The following RIMS1 variants were observed in gnomAD, a reference collection of about 807,000 sequenced individuals.
The protein encoded by RIMS1 is regulating synaptic membrane exocytosis 1.
Under a neutral mutation model 214.1 loss-of-function variants are expected in RIMS1, and 83 were observed. The ratio of observed to expected loss-of-function variants is 0.39; its 90% CI spans 0.32 to 0.47. The LOEUF (loss-of-function observed/expected upper bound fraction) is 0.47. RIMS1 is among the 20% of genes least tolerant of loss of function. RIMS1 has a pLI of 0.99. For missense variants in RIMS1, 2,050 were observed against 2,161.8 expected, an observed-to-expected ratio of 0.95 and a Z score of 1.03; for synonymous variants, 793 against 786.8, an observed-to-expected ratio of 1.01 and a Z score of -0.13.
rs1008697974 is a variant in RIMS1 at position 71,886,955 on chromosome 6, C to G, written c.-69C>G. ...CCGCTGTGAGGGGGAAGCAGGGGCGCAGCTGCTGGGCGTGCATCCGAAAGG... is the reference window on the plus strand; with the variant it reads ...CCGCTGTGAGGGGGAAGCAGGGGCGGAGCTGCTGGGCGTGCATCCGAAAGG... On this transcript the variant is annotated 5_prime_UTR_variant, in exon 1 of 34. Coordinates refer to ENST00000521978, the MANE Select transcript of RIMS1 (RefSeq NM_014989.7). The G allele has an allele frequency of 1.3e-6, 2 of 1,545,660 alleles. No homozygotes were observed. Among genetic ancestry groups the G allele is most frequent in the African/African-American group, 2.7e-5 (2 of 73,508 alleles).
chr6:72,288,796 G>C (rs1055066864), intron 24 of RIMS1, among the ~76,000 whole-genome samples: 1 of 152,026 alleles, frequency 6.6e-6, no homozygotes, highest in East Asian at 1.9e-4. Context: ...GGCTTTCTAC[G>C]CTTCTCCTTT....
chr6:72,299,125 G>A (rs2094379622), intron 26 of RIMS1, among the ~76,000 whole-genome samples: 4 of 151,810 alleles, frequency 2.6e-5, no homozygotes, highest in East Asian at 1.9e-4. Flanking sequence ...TGGGGGCATC[G>A]AAATAATGAT....
At chr6:72,348,603 G>GGTA (rs2097345443) in intron 29 of RIMS1, among the ~76,000 whole-genome samples, 1 of 151,814 alleles carries the variant, frequency 6.6e-6, no homozygotes, top group Non-Finnish European at 1.5e-5. Context: ...TAGATTCAGA[G>GGTA]GGTACATTTG....
At chr6:72,391,568 T>C (rs938062156) in intron 30 of RIMS1, among the ~76,000 whole-genome samples, 1 of 152,200 alleles carries the variant, frequency 6.6e-6, no homozygotes, top group Non-Finnish European at 1.5e-5. Context: ...TATACCAATT[T>C]GATATTTCTA....
intron 4 of RIMS1, among the ~76,000 whole-genome samples, chr6:72,109,017 A>G (rs1216849055): frequency 2.6e-5 from 4 of 151,998 alleles, no homozygotes; most frequent in African/African-American, 9.7e-5. Context: ...ATGTCCCTAC[A>G]AAGGACATGA....
intron 28 of RIMS1, among the ~76,000 whole-genome samples, chr6:72,327,685 T>C (rs779379388): frequency 8.6e-5 from 13 of 151,854 alleles, no homozygotes; most frequent in Non-Finnish European, 1.9e-4. Context: ...TGTTATTGTC[T>C]ATTTTTTATT....
intron 5 of RIMS1, 73 bp downstream of exon 5, chr6:72,179,988 A>T (rs1473011173): frequency 9.5e-7 from 1 of 1,047,156 alleles, no homozygotes; most frequent in East Asian, 2.7e-5. Context: ...CAAGAATTTA[A>T]CTTCTATTAC....
At chr6:72,360,323 A>T (rs954955377) in intron 29 of RIMS1, among the ~76,000 whole-genome samples, 1 of 152,238 alleles carries the variant, frequency 6.6e-6, no homozygotes, top group South Asian at 2.1e-4. Context: ...CATAAAATTA[A>T]TCTATTTATC....
chr6:71,944,425 C>T (rs1787147423), intron 1 of RIMS1, among the ~76,000 whole-genome samples: 1 of 152,124 alleles, frequency 6.6e-6, no homozygotes, highest in Non-Finnish European at 1.5e-5. Flanking sequence ...CGGCACTTGT[C>T]GGGGCATAAC....
chr6:72,374,086 T>A (rs992027731), intron 29 of RIMS1, among the ~76,000 whole-genome samples: 37 of 152,050 alleles, frequency 2.4e-4, no homozygotes, highest in African/African-American at 8.7e-4. Flanking sequence ...AGCTAATTTT[T>A]GTATTTTTAG....
rs1788537221 is a variant in RIMS1, at chr6:71,948,535, A to G, written c.165-20448A>G. On this transcript the variant is annotated intron_variant, in intron 1 of 33. Coordinates refer to ENST00000521978, the MANE Select transcript of RIMS1 (RefSeq NM_014989.7). ...GCCTACCTGACATGGCACATGCTAC[A>G]TGGCTTTCTGATGATACACAATTTC... Among the ~76,000 whole-genome samples, 3 of 152,304 alleles carry G rather than the reference A, an allele frequency of 2.0e-5. No homozygotes were observed. The South Asian group carries it at 6.2e-4, about 32-fold the overall frequency.
At chr6:72,341,052 A>T (rs1445838504) in intron 29 of RIMS1, among the ~76,000 whole-genome samples, 2 of 152,010 alleles carry the variant, frequency 1.3e-5, no homozygotes, top group Non-Finnish European at 2.9e-5. Context: ...GCAATTGTGA[A>T]TGGGAGTTCA....
At chr6:72,358,650 T>C (rs931669516) in intron 29 of RIMS1, among the ~76,000 whole-genome samples, 2 of 152,162 alleles carry the variant, frequency 1.3e-5, no homozygotes, top group African/African-American at 2.4e-5. Flanking sequence ...GAAATACTTA[T>C]ATTCTATTGA....
chr6:71,977,361 C>CT (rs1797412655), intron 2 of RIMS1, among the ~76,000 whole-genome samples: 1 of 152,076 alleles, frequency 6.6e-6, no homozygotes, highest in Non-Finnish European at 1.5e-5. Flanking sequence ...CAATTCACTG[C>CT]TTTTATGCAA....
chr6:72,186,285 A>C (rs1388531826), intron 6 of RIMS1, among the ~76,000 whole-genome samples: 1 of 152,260 alleles, frequency 6.6e-6, no homozygotes, highest in Non-Finnish European at 1.5e-5. Flanking sequence ...ACTTTGAGGT[A>C]AAAAGTTCAT....
chr6:72,009,751 A>G (rs568950681), intron 2 of RIMS1, among the ~76,000 whole-genome samples: 150 of 152,322 alleles, frequency 9.8e-4, no homozygotes, highest in African/African-American at 3.4e-3. Flanking sequence ...TCCTCGACAC[A>G]TACACCCTCC....
At position 72,398,321 on chromosome 6, in the gene RIMS1, C is replaced by T; in HGVS notation, c.4691C>T (p.Thr1564Ile). ...GAAGTCATTAGAGCACGAAGCCTCA[C>T]ACAAAAGCCTGGTTCCAAATCTACA... ...EVEVIRARSL[T>I]QKPGSKSTPA... The change falls in exon 32 of 34, where the codon ACA (threonine) becomes ATA (isoleucine). Residue 1564 changes from threonine to isoleucine, a missense_variant. Transcript: ENST00000521978. The T allele has an allele frequency of 6.2e-7, 1 of 1,603,872 alleles. No individual in the cohort carries two copies. The highest frequency in any genetic ancestry group is 8.5e-7 in the Non-Finnish European group (1 of 1,175,188).
chr6:72,328,874 C>G (rs767758717), intron 28 of RIMS1, among the ~76,000 whole-genome samples: 1 of 151,702 alleles, frequency 6.6e-6, no homozygotes, highest in Non-Finnish European at 1.5e-5. Flanking sequence ...TCAATGTATT[C>G]CTGACACTGA....
chr6:72,193,617 T>A (rs981781352), intron 6 of RIMS1, among the ~76,000 whole-genome samples: 3 of 152,312 alleles, frequency 2.0e-5, no homozygotes, highest in Non-Finnish European at 2.9e-5. Flanking sequence ...CATGATAATC[T>A]CCAGCACCTT....
Sources: allele counts gnomAD v4.1 joint callset (sites outside exome capture counted in the v4.1 genomes callset), GRCh38; gene constraint gnomAD v4.1.1; transcripts MANE v1.5; gene names NCBI Gene and HGNC (gene_info 2026-07-23, HGNC 2026-07-21).